ATXN1: variants seen among roughly 807,000 people sequenced by gnomAD.
ATXN1 encodes ataxin 1.
A neutral mutation model predicts 56.4 loss-of-function variants in ATXN1; 8 were observed. That is an observed-to-expected ratio of 0.14 (90% CI 0.08 to 0.26). The LOEUF (loss-of-function observed/expected upper bound fraction) is 0.26, where lower values mean the gene tolerates loss of function less well. Among genes scored for constraint, ATXN1 ranks in the 10% least tolerant of loss-of-function variants. ATXN1 has a pLI of 1.00. For synonymous variants in ATXN1, 514 were observed against 494.6 expected (o/e 1.04, Z -0.52); for missense variants, 987 against 1,106.5 (o/e 0.89, Z 1.53).
intron 5 of ATXN1, among the ~76,000 whole-genome samples, chr6:16,487,226 T>C (rs1022774506): frequency 2.6e-5 from 4 of 152,122 alleles, no homozygotes; most frequent in Non-Finnish European, 5.9e-5. Flanking sequence ...CCCAAATACA[T>C]CATCGACAAA....
At chr6:16,692,759 C>T (rs1759076580) in intron 2 of ATXN1, among the ~76,000 whole-genome samples, 1 of 152,124 alleles carries the variant, frequency 6.6e-6, no homozygotes, top group Admixed American at 6.5e-5. Flanking sequence ...AGGTACATTC[C>T]ATGTTCTATA....
At chr6:16,457,769 C>T (rs141684515) in intron 6 of ATXN1, among the ~76,000 whole-genome samples, 2 of 152,314 alleles carry the variant, frequency 1.3e-5, no homozygotes, top group Non-Finnish European at 2.9e-5. Context: ...AGCCTCCCTA[C>T]AGCTCCCCTT....
intron 3 of ATXN1, among the ~76,000 whole-genome samples, chr6:16,592,731 C>T (rs1418844310): frequency 2.0e-4 from 30 of 151,964 alleles, no homozygotes; most frequent in Admixed American, 1.4e-3. Flanking sequence ...CTAACCTTTG[C>T]GGTGACTGTT....
intron 2 of ATXN1, among the ~76,000 whole-genome samples, chr6:16,702,952 A>T (rs77581643): frequency 0.71 from 107,060 of 151,614 alleles, 38,188 homozygotes; most frequent in African/African-American, 0.81. Flanking sequence ...AACTAGAAAT[A>T]CCATTTGACC....
intron 6 of ATXN1, among the ~76,000 whole-genome samples, chr6:16,421,538 T>C (rs919068124): frequency 9.2e-5 from 14 of 152,088 alleles, no homozygotes; most frequent in African/African-American, 3.1e-4. Context: ...TTCAAAACCA[T>C]TTTGAATGTA....
At chr6:16,551,939 C>A (rs540441760) in intron 4 of ATXN1, among the ~76,000 whole-genome samples, 1 of 152,142 alleles carries the variant, frequency 6.6e-6, no homozygotes, top group Non-Finnish European at 1.5e-5. Flanking sequence ...GTCTTTAAAT[C>A]GAAAAATCAA....
chr6:16,684,116 T>C (rs907206892), intron 2 of ATXN1, among the ~76,000 whole-genome samples: 1 of 152,208 alleles, frequency 6.6e-6, no homozygotes, highest in Non-Finnish European at 1.5e-5. Flanking sequence ...CTTCAGGGAC[T>C]ATTGTCAAAC....
chr6:16,742,585 A>G (rs1346431039), intron 2 of ATXN1, among the ~76,000 whole-genome samples: 1 of 152,170 alleles, frequency 6.6e-6, no homozygotes, highest in Non-Finnish European at 1.5e-5. Context: ...GTTCTGACAT[A>G]TGGTCCAACA....
intron 4 of ATXN1, among the ~76,000 whole-genome samples, chr6:16,542,629 A>G (rs769739830): frequency 7.2e-5 from 11 of 152,218 alleles, no homozygotes; most frequent in Non-Finnish European, 1.5e-4. Context: ...ACTAACGAGT[A>G]GGAAAAAGAC....
At chr6:16,354,238 C>A (rs965849499) in intron 6 of ATXN1, among the ~76,000 whole-genome samples, 2 of 151,772 alleles carry the variant, frequency 1.3e-5, no homozygotes, top group African/African-American at 4.8e-5. Context: ...AAAGCCAGAC[C>A]CCCTTCCTTC....
At position 16,503,898 on chromosome 6, in the gene ATXN1, G is replaced by A. The variant is rs537818682; in HGVS notation, c.-298-17789C>T. Among the ~76,000 whole-genome samples the A allele has an allele frequency of 1.6e-4, 25 of 152,170 alleles. No homozygotes were observed. The South Asian group carries it at 1.9e-3, about 11-fold the overall frequency. Reference sequence around the variant, plus strand: ...CTATACAGTCAGTGGCATTAAGTACGTTCACAATGATGCACAACCATTACC... The same window carrying A: ...CTATACAGTCAGTGGCATTAAGTACATTCACAATGATGCACAACCATTACC... On this transcript the variant is annotated intron_variant, in intron 5 of 7. Transcript: ENST00000436367.
At chr6:16,369,607 G>A (rs1308517463) in intron 6 of ATXN1, among the ~76,000 whole-genome samples, 1 of 152,196 alleles carries the variant, frequency 6.6e-6, no homozygotes, top group Non-Finnish European at 1.5e-5. Context: ...CTCCTGGTAA[G>A]CACTTACAGG....
chr6:16,736,666 A>T (rs1272793042), intron 2 of ATXN1, among the ~76,000 whole-genome samples: 1 of 152,228 alleles, frequency 6.6e-6, no homozygotes, highest in African/African-American at 2.4e-5. Flanking sequence ...CTGCACGTAT[A>T]TCGCAAAGTG....
chr6:16,355,707 A>G (rs1761672180), intron 6 of ATXN1, among the ~76,000 whole-genome samples: 1 of 152,154 alleles, frequency 6.6e-6, no homozygotes, highest in Non-Finnish European at 1.5e-5. Context: ...GATTATAGGC[A>G]TGCGCCACCA....
At chr6:16,346,984 G>A (rs1761416537) in intron 6 of ATXN1, among the ~76,000 whole-genome samples, 1 of 152,172 alleles carries the variant, frequency 6.6e-6, no homozygotes, top group South Asian at 2.1e-4. Context: ...GAGCAGCGGC[G>A]GACCCCGCCG....
Position 16,607,280 on chromosome 6 carries a change from G to A in ATXN1, c.-488-21373C>T, listed in dbSNP as rs567406598. 2.0e-5 allele frequency among the ~76,000 whole-genome samples: 3 copies of A among 152,344 alleles called. No individual in the cohort carries two copies. In the South Asian group the frequency reaches 6.2e-4, roughly 32 times the overall value. ...CAGTTTCTACATCTGTGAAGTGAAA[G>A]GGTTGGCGTAAGGGACCTCTCCAAG... is the stretch of plus-strand genomic sequence containing the variant. On this transcript the variant is annotated intron_variant, in intron 3 of 7. Transcript: ENST00000436367.
intron 3 of ATXN1, among the ~76,000 whole-genome samples, chr6:16,598,872 C>T (rs568467222): frequency 6.6e-6 from 1 of 152,184 alleles, no homozygotes; most frequent in African/African-American, 2.4e-5. Flanking sequence ...AACTGGCCTC[C>T]GTCAAAAAGT....
chr6:16,744,542 C>T (rs567603268), intron 2 of ATXN1, among the ~76,000 whole-genome samples: 3 of 152,086 alleles, frequency 2.0e-5, no homozygotes, highest in East Asian at 1.9e-4. Flanking sequence ...AGGTCAGCAA[C>T]GGAGGGTTGA....
At chr6:16,370,828 A>G (rs1038267376) in intron 6 of ATXN1, among the ~76,000 whole-genome samples, 1 of 152,222 alleles carries the variant, frequency 6.6e-6, no homozygotes, top group African/African-American at 2.4e-5. Flanking sequence ...AGCCAGAAAA[A>G]CCTTAAACTA....
Sources: gnomAD v4.1 joint callset for allele counts (sites outside exome capture counted in the v4.1 genomes callset) on GRCh38, gnomAD v4.1.1 for gene constraint, MANE v1.5 for transcripts, NCBI Gene and HGNC (gene_info 2026-07-23, HGNC 2026-07-21) for gene names.